Variants in TUBA1C observed in about 807,000 individuals in gnomAD.
The protein encoded by TUBA1C is tubulin alpha 1c.
In TUBA1C, 16 loss-of-function variants were observed where a neutral mutation model predicts 34.9. The ratio of observed to expected loss-of-function variants is 0.46; its 90% CI spans 0.31 to 0.70. The LOEUF is 0.70. Among genes scored for constraint, TUBA1C ranks in the 30% least tolerant of loss-of-function variants. TUBA1C has a pLI of 0.05. For missense variants in TUBA1C, 329 were observed against 587.3 expected (o/e 0.56, Z 4.55); for synonymous variants, 177 against 215.9 (o/e 0.82, Z 1.58).
intron 1 of TUBA1C, among the ~76,000 whole-genome samples, chr12:49,242,065 C>CT (rs1942623277): frequency 6.6e-6 from 1 of 151,562 alleles, no homozygotes; most frequent in African/African-American, 2.4e-5. Flanking sequence ...TCTCAGCCCA[C>CT]TGCAGCCTCC....
chr12:49,266,716 G>C (rs949855532), intron 1 of TUBA1C, among the ~76,000 whole-genome samples: 6 of 152,012 alleles, frequency 3.9e-5, no homozygotes, highest in Non-Finnish European at 8.8e-5. Context: ...GGGCGTCGTG[G>C]TGCGTGCCTG....
intron 1 of TUBA1C, among the ~76,000 whole-genome samples, chr12:49,239,646 GAAAAAAA>G (rs879574051): frequency 2.6e-5 from 3 of 116,098 alleles, no homozygotes; most frequent in Non-Finnish European, 5.6e-5. Context: ...GTCTCAAAAA[GAAAAAAA>G]AAAAAAAGAA....
intron 1 of TUBA1C, among the ~76,000 whole-genome samples, chr12:49,243,249 C>T (rs1471219297): frequency 2.0e-5 from 3 of 152,048 alleles, no homozygotes; most frequent in African/African-American, 7.2e-5. Context: ...AGTTCAAGAC[C>T]AGCCTGGCCA....
At chr12:49,244,049 C>T (rs1289828634) in intron 1 of TUBA1C, among the ~76,000 whole-genome samples, 1 of 150,768 alleles carries the variant, frequency 6.6e-6, no homozygotes, top group Admixed American at 6.7e-5. Flanking sequence ...ACTCGGGAGG[C>T]TGAGGCACGA....
At chr12:49,247,304 C>T (rs1018381175) in intron 1 of TUBA1C, among the ~76,000 whole-genome samples, 4 of 151,886 alleles carry the variant, frequency 2.6e-5, no homozygotes, top group African/African-American at 7.3e-5. Flanking sequence ...TGCCTGTAAT[C>T]CCAGCACTTT....
intron 1 of TUBA1C, among the ~76,000 whole-genome samples, chr12:49,258,448 G>C (rs1423106865): frequency 1.3e-5 from 2 of 151,672 alleles, no homozygotes; most frequent in African/African-American, 4.8e-5. Context: ...TTTTCTTTTT[G>C]AGACAGTCTC....
chr12:49,228,818 G>C (rs1942465641), intron 1 of TUBA1C, among the ~76,000 whole-genome samples: 1 of 152,274 alleles, frequency 6.6e-6, no homozygotes, highest in East Asian at 1.9e-4. Flanking sequence ...GGTTTGGATG[G>C]CTTTTCCTAT....
chr12:49,228,308 T>C, intron 1 of TUBA1C: 1 of 787,546 alleles, frequency 1.3e-6, no homozygotes, highest in Non-Finnish European at 1.9e-6. Flanking sequence ...TTAGTGTTTA[T>C]CTTATTATTT....
At chr12:49,246,865 C>T (rs879290524) in intron 1 of TUBA1C, among the ~76,000 whole-genome samples, 4 of 151,996 alleles carry the variant, frequency 2.6e-5, no homozygotes, top group African/African-American at 9.7e-5. Context: ...AAAACAAGGC[C>T]GGGCACAGTG....
intron 1 of TUBA1C, among the ~76,000 whole-genome samples, chr12:49,245,460 T>C (rs1352805620): frequency 1.3e-5 from 2 of 152,046 alleles, no homozygotes; most frequent in Admixed American, 1.3e-4. Flanking sequence ...ATAAAAAAAT[T>C]AACCAGGTAG....
rs78897149 is a variant in TUBA1C at position 49,269,754 on chromosome 12, G to A, written c.226+67G>A. On this transcript the variant is annotated intron_variant, in intron 2 of 3. Coordinates refer to ENST00000301072, the MANE Select transcript of TUBA1C (RefSeq NM_032704.5). ...GGGACAGGAGGTCTGTCCTGGGGGG[G>A]CTCCGCTGGTCACTCACCCACTCTC... is the stretch of plus-strand genomic sequence containing the variant. 1.5e-5 allele frequency: 24 copies of A among 1,612,748 alleles called. 1 individual carries two copies. In the South Asian group the frequency reaches 2.4e-4, roughly 16 times the overall value.
At chr12:49,228,296 C>A in intron 1 of TUBA1C, 1 of 848,218 alleles carries the variant, frequency 1.2e-6, no homozygotes. Flanking sequence ...ATATTGGTGG[C>A]ATTAGTGTTT....
chr12:49,267,427 G>A (rs557245987), intron 1 of TUBA1C, among the ~76,000 whole-genome samples: 7 of 152,280 alleles, frequency 4.6e-5, no homozygotes, highest in African/African-American at 1.7e-4. Flanking sequence ...GGGAGGCCGA[G>A]GTGAGTAGAT....
At chr12:49,265,306 G>A in intron 1 of TUBA1C, 122 bp downstream of exon 1, 1 of 699,340 alleles carries the variant, frequency 1.4e-6, no homozygotes, top group Non-Finnish European at 2.1e-6. Flanking sequence ...GGGCCCCTCC[G>A]GTTAACCTGG....
intron 1 of TUBA1C, among the ~76,000 whole-genome samples, chr12:49,237,354 G>T (rs1213620925): frequency 1.3e-5 from 2 of 151,978 alleles, no homozygotes; most frequent in African/African-American, 4.8e-5. Context: ...GGGAGCGGAG[G>T]TTGCGGTGAG....
rs1315849619 is a variant in TUBA1C, at chr12:49,230,459, G to C, written c.213+2293G>C. 3.9e-5 allele frequency among the ~76,000 whole-genome samples: 6 copies of C among 152,126 alleles called. 1 individual carries two copies. Among genetic ancestry groups the C allele is most frequent in the African/African-American group, 1.4e-4 (6 of 41,424 alleles). ...GTTCCCTCTCTGCCTCTGAATATTT[G>C]AGCATTTACCTTTTTCTTGAGCCCA... is the stretch of plus-strand genomic sequence containing the variant. On this transcript the variant is annotated intron_variant, in intron 1 of 3. Coordinates refer to the TUBA1C transcript ENST00000541364.
At chr12:49,243,783 T>A (rs3847766) in intron 1 of TUBA1C, among the ~76,000 whole-genome samples, 57,110 of 151,646 alleles carry the variant, frequency 0.38, 12,113 homozygotes, top group East Asian at 0.84. Flanking sequence ...TCTCAGGCAG[T>A]TCCCTTTAAG....
chr12:49,266,801 A>G (rs1192351882), intron 1 of TUBA1C, among the ~76,000 whole-genome samples: 1 of 152,204 alleles, frequency 6.6e-6, no homozygotes, highest in Non-Finnish European at 1.5e-5. Flanking sequence ...GTGAGCCCAG[A>G]TCGCACCACT....
intron 1 of TUBA1C, among the ~76,000 whole-genome samples, chr12:49,240,746 C>T (rs1023671027): frequency 8.5e-5 from 13 of 152,122 alleles, no homozygotes; most frequent in African/African-American, 3.1e-4. Context: ...CACCACCACA[C>T]TGGACTAATT....
Sources: allele counts gnomAD v4.1 joint callset (sites outside exome capture counted in the v4.1 genomes callset), GRCh38; gene constraint gnomAD v4.1.1; transcripts MANE v1.5; gene names NCBI Gene and HGNC (gene_info 2026-07-23, HGNC 2026-07-21).